SLC39A11: variants seen among roughly 807,000 people sequenced by gnomAD.
The protein encoded by SLC39A11 is zinc transporter ZIP11.
SLC39A11 carries 33 observed loss-of-function variants against 36.1 expected under a neutral mutation model. The ratio of observed to expected loss-of-function variants is 0.91; its 90% CI spans 0.69 to 1.22. SLC39A11 has a LOEUF of 1.22. Among genes scored for constraint, SLC39A11 ranks in the 50% most tolerant of loss-of-function variants. The probability of loss-of-function intolerance (pLI) is 0.00; values close to 1 mark genes in which losing one functional copy is unlikely to be tolerated. For missense variants in SLC39A11, 432 were observed against 430.3 expected, an observed-to-expected ratio of 1.00 and a Z score of -0.03; for synonymous variants, 166 against 170.3, an observed-to-expected ratio of 0.97 and a Z score of 0.20.
Position 72,985,905 on chromosome 17 carries a change from T to C in SLC39A11, c.307-38030A>G, listed in dbSNP as rs373198404. On this transcript the variant is annotated intron_variant, in intron 4 of 9. Transcript: ENST00000255559. ...GGGCAGGTCCCAATTCAATATGATT[T>C]TTTCCTTATAAAAAGGAGAAATTTG... Among the ~76,000 whole-genome samples the C allele has an allele frequency of 3.3e-5, 5 of 152,220 alleles. No individual in the cohort carries two copies. The South Asian group carries it at 6.2e-4, about 19-fold the overall frequency.
intron 7 of SLC39A11, among the ~76,000 whole-genome samples, chr17:72,655,099 C>A (rs868014661): frequency 1.3e-5 from 2 of 152,246 alleles, no homozygotes; most frequent in Admixed American, 6.5e-5. Flanking sequence ...CATTGCTGGG[C>A]GGTCAGAGTC....
At chr17:72,777,632 G>A (rs1294115453) in intron 6 of SLC39A11, among the ~76,000 whole-genome samples, 3 of 152,110 alleles carry the variant, frequency 2.0e-5, no homozygotes, top group Non-Finnish European at 4.4e-5. Flanking sequence ...AACTAGGAGA[G>A]GCCAAGAAAG....
intron 6 of SLC39A11, among the ~76,000 whole-genome samples, chr17:72,810,894 T>A (rs6501566): frequency 5.3e-5 from 8 of 151,772 alleles, no homozygotes; most frequent in African/African-American, 1.7e-4. Flanking sequence ...CCATGTTGGC[T>A]GGGCTGGTCT....
chr17:73,068,191 C>A, intron 3 of SLC39A11: 1 of 1,188,574 alleles, frequency 8.4e-7, no homozygotes. Flanking sequence ...AAGACGGGGG[C>A]TCCAGAGTGG....
At chr17:72,988,361 T>C (rs1279083414) in intron 4 of SLC39A11, among the ~76,000 whole-genome samples, 2 of 152,176 alleles carry the variant, frequency 1.3e-5, no homozygotes, top group South Asian at 2.1e-4. Context: ...CTTTGGAGGC[T>C]GAGGCATGAG....
chr17:72,990,181 A>C (rs1367700013), intron 4 of SLC39A11, among the ~76,000 whole-genome samples: 1 of 152,236 alleles, frequency 6.6e-6, no homozygotes, highest in Non-Finnish European at 1.5e-5. Flanking sequence ...TAGAATGCTG[A>C]CATTCAAACC....
At chr17:73,059,210 T>C (rs2059763684) in intron 3 of SLC39A11, among the ~76,000 whole-genome samples, 1 of 152,246 alleles carries the variant, frequency 6.6e-6, no homozygotes, top group African/African-American at 2.4e-5. Flanking sequence ...TTCATAAACA[T>C]GAAAACATTG....
intron 3 of SLC39A11, among the ~76,000 whole-genome samples, chr17:73,063,958 C>A (rs2059922161): frequency 2.6e-5 from 4 of 152,160 alleles, no homozygotes; most frequent in Non-Finnish European, 5.9e-5. Flanking sequence ...ATGCATTTAA[C>A]AGGTATCTAA....
intron 5 of SLC39A11, among the ~76,000 whole-genome samples, chr17:72,909,743 CTTTTTTCTTTTTTTTTTT>C (rs894667973): frequency 1.0e-5 from 1 of 99,656 alleles, no homozygotes; most frequent in Non-Finnish European, 2.4e-5. Flanking sequence ...TCTTTTTTTT[CTTTTTTCTTTTTTTTTTT>C]TTGAGACGGA....
At chr17:72,922,960 C>CAAAA (rs10645750) in intron 5 of SLC39A11, among the ~76,000 whole-genome samples, 865 of 43,980 alleles carry the variant, frequency 0.02, 43 homozygotes, top group Non-Finnish European at 0.023. Context: ...GACTCCTTCT[C>CAAAA]AAAAAAAAAA....
At chr17:72,894,600 G>A (rs1025301668) in intron 5 of SLC39A11, among the ~76,000 whole-genome samples, 4 of 148,920 alleles carry the variant, frequency 2.7e-5, no homozygotes, top group South Asian at 2.1e-4. Context: ...AACACAAGAG[G>A]TAGAGGTTGC....
chr17:73,057,056 C>T (rs2059693173), intron 3 of SLC39A11, among the ~76,000 whole-genome samples: 1 of 152,118 alleles, frequency 6.6e-6, no homozygotes, highest in Admixed American at 6.6e-5. Flanking sequence ...GCCTCCTGAG[C>T]TCAATTGATC....
At chr17:72,819,581 C>T (rs1046522205) in intron 6 of SLC39A11, among the ~76,000 whole-genome samples, 2 of 151,190 alleles carry the variant, frequency 1.3e-5, no homozygotes, top group African/African-American at 2.4e-5. Context: ...ACACTAAGAG[C>T]GAGTGAAGGT....
chr17:72,930,389 C>T (rs1209470364), intron 5 of SLC39A11, among the ~76,000 whole-genome samples: 1 of 152,184 alleles, frequency 6.6e-6, no homozygotes, highest in Non-Finnish European at 1.5e-5. Flanking sequence ...ATCATAGGAT[C>T]CTGTCAGATA....
chr17:72,793,812 C>T (rs761550609), intron 6 of SLC39A11, among the ~76,000 whole-genome samples: 13 of 152,306 alleles, frequency 8.5e-5, no homozygotes, highest in Non-Finnish European at 1.5e-4. Flanking sequence ...TAACAATGAT[C>T]AACAAATTCT....
Position 72,824,681 on chromosome 17 carries a change from T to A in SLC39A11, c.601+24953A>T, listed in dbSNP as rs535489469. ...AAGTCCAGGCTGAAGTGGTCTTAGATGGAGGAACTTTTTGGGAACTGAAGT... is the reference window on the plus strand; with the variant it reads ...AAGTCCAGGCTGAAGTGGTCTTAGAAGGAGGAACTTTTTGGGAACTGAAGT... On this transcript the variant is annotated intron_variant, in intron 6 of 9. Transcript: ENST00000255559. Among the ~76,000 whole-genome samples, 19 of 151,230 alleles carry A rather than the reference T, an allele frequency of 1.3e-4. 2 individuals carry two copies. The highest frequency in any genetic ancestry group is 1.9e-4 in the Non-Finnish European group (13 of 67,496).
In SLC39A11 at chr17:72,654,616, C is replaced by G. The variant is rs2070021068; in HGVS notation, c.672-5348G>C. 2.6e-5 allele frequency among the ~76,000 whole-genome samples: 4 copies of G among 152,218 alleles called. No homozygotes were observed. In the South Asian group the frequency reaches 8.3e-4, roughly 32 times the overall value. ...TTGTTCAGCATCTCCTTGTAGCCCT[C>G]AAAATGGTTGAGTGAATACAACCAG... On this transcript the variant is annotated intron_variant, in intron 7 of 9. Transcript: ENST00000255559.
chr17:72,953,689 G>A (rs913938266), intron 4 of SLC39A11, among the ~76,000 whole-genome samples: 10 of 152,198 alleles, frequency 6.6e-5, no homozygotes, highest in Non-Finnish European at 1.5e-4. Flanking sequence ...TCATAGAACC[G>A]CAGACCCTGC....
chr17:72,947,797 C>G lies in SLC39A11; in HGVS notation c.385G>C (p.Gly129Arg). The change falls in exon 5 of 10, where the codon GGT (glycine) becomes CGT (arginine). Residue 129 changes from glycine (G) to arginine (R), a missense_variant. Gly to Arg is a moderately radical substitution (Grantham distance 125, BLOSUM62 -2). Coordinates refer to ENST00000255559, the MANE Select transcript of SLC39A11 (RefSeq NM_139177.4). ...TLMKKKSDPEGPALLFPESEL... is the reference protein window; with the variant it reads ...TLMKKKSDPERPALLFPESEL... ...CTCTCAGGGAAGAGCAGCGCGGGAC[C>G]CTCAGGATCAGACTTCTTCTTCATC... The G allele has an allele frequency of 6.2e-7, 1 of 1,614,176 alleles. No individual in the cohort carries two copies. Among genetic ancestry groups the G allele is most frequent in the Non-Finnish European group, 8.5e-7 (1 of 1,180,036 alleles).
Sources: allele counts gnomAD v4.1 joint callset (sites outside exome capture counted in the v4.1 genomes callset), GRCh38; gene constraint gnomAD v4.1.1; transcripts MANE v1.5; gene names NCBI Gene and HGNC (gene_info 2026-07-23, HGNC 2026-07-21).